Variants in FLYWCH1 observed in about 807,000 individuals in gnomAD.
The protein encoded by FLYWCH1 is FLYWCH-type zinc finger 1.
In FLYWCH1, 75 loss-of-function variants were observed where a neutral mutation model predicts 66.4. That is an observed-to-expected ratio of 1.13 (90% CI 0.94 to 1.37). The LOEUF (loss-of-function observed/expected upper bound fraction) is 1.37, where lower values mean the gene tolerates loss of function less well. FLYWCH1 is among the 40% of genes most tolerant of loss of function. The probability of loss-of-function intolerance (pLI) is 0.00; values close to 1 mark genes in which losing one functional copy is unlikely to be tolerated. For missense variants in FLYWCH1, 1,334 were observed against 1,001.8 expected (o/e 1.33, Z -4.48); for synonymous variants, 595 against 429.9 (o/e 1.38, Z -4.75).
chr16:2,917,944 C>G (rs568492643), intron 2 of FLYWCH1, among the ~76,000 whole-genome samples: 1 of 151,594 alleles, frequency 6.6e-6, no homozygotes. Context: ...TCAAGCAATT[C>G]TCCCTGCCTC....
intron 2 of FLYWCH1, among the ~76,000 whole-genome samples, chr16:2,919,052 C>A (rs186868599): frequency 1.3e-5 from 2 of 151,658 alleles, no homozygotes; most frequent in East Asian, 3.9e-4. Flanking sequence ...TCTTCTGCCT[C>A]CACCTCCCAA....
intron 6 of FLYWCH1, chr16:2,935,499 TTC>T (rs1191695543): frequency 6.6e-6 from 1 of 152,322 alleles, no homozygotes; most frequent in African/African-American, 2.4e-5. Flanking sequence ...GGGCCTGCCT[TTC>T]TCTTTCTTGG....
intron 6 of FLYWCH1, chr16:2,934,618 C>A (rs760437465): frequency 2.2e-6 from 1 of 456,724 alleles, no homozygotes; most frequent in Non-Finnish European, 4.4e-6. Context: ...CCCCAAGGCG[C>A]TGGCCTCTCT....
At position 2,930,546 on chromosome 16, in the gene FLYWCH1, C is replaced by T. The variant is rs777145780; in HGVS notation, c.462C>T (p.Gly154=). The change falls in exon 4 of 10, where the codon GGC becomes GGT. Residue 154 remains glycine, a synonymous_variant. Coordinates refer to ENST00000253928, the MANE Select transcript of FLYWCH1 (RefSeq NM_001308068.2). ...AGTGCCGCCAACATGCTGAGCTGGG[C>T]TGCCGGGGCCGGGCCATCACCCGAG... ...YWKCRQHAEL[G]CRGRAITRGL... is the part of the protein sequence containing the mutation. 41 of 1,548,992 alleles carry T rather than the reference C, an allele frequency of 2.6e-5. No homozygotes were observed. The highest frequency in any genetic ancestry group is 1.4e-5 in the Non-Finnish European group (16 of 1,151,400).
rs897654292 is a variant in FLYWCH1, at chr16:2,950,467, G to C, written c.*1740G>C. 1 of 152,396 alleles carries C rather than the reference G, an allele frequency of 6.6e-6. No individual in the cohort carries two copies. Among genetic ancestry groups the C allele is most frequent in the Non-Finnish European group, 1.5e-5 (1 of 68,172 alleles). The allele number at this position is 152,396 out of a possible 1,614,324, so 9.4% of individuals were successfully genotyped here. A position where few individuals can be genotyped will look rare whatever the true frequency, so the allele number is the denominator to read the frequency against. ...ACCTCTGATCAGGCCCCCTGCAGAA[G>C]GGGAAGCTCTCCACATGCCCAAGAT... On this transcript the variant is annotated 3_prime_UTR_variant, in exon 10 of 10. Coordinates refer to ENST00000253928, the MANE Select transcript of FLYWCH1 (RefSeq NM_001308068.2).
intron 1 of FLYWCH1, among the ~76,000 whole-genome samples, chr16:2,913,719 G>A (rs1596347697): frequency 6.6e-6 from 1 of 152,300 alleles, no homozygotes; most frequent in East Asian, 1.9e-4. Flanking sequence ...AACCTCTTCA[G>A]GAGGAATGTC....
rs778172066 is a variant in FLYWCH1, at chr16:2,938,164, A to C, written c.1778-20A>C. The C allele has an allele frequency of 1.6e-5, 26 of 1,607,840 alleles. No individual in the cohort carries two copies. Among genetic ancestry groups the C allele is most frequent in the African/African-American group, 4.0e-5 (3 of 74,790 alleles). On this transcript the variant is annotated intron_variant, in intron 7 of 9. Transcript: ENST00000253928. ...CCCAGGCCCCTGTGGCCCCACTCAC[A>C]GTGTCACTTTCCCTTTCAGATCCTC...
rs1310469540 is a variant in FLYWCH1, at chr16:2,949,484, G to A, written c.*757G>A. On this transcript the variant is annotated 3_prime_UTR_variant, in exon 10 of 10. Coordinates refer to ENST00000253928, the MANE Select transcript of FLYWCH1 (RefSeq NM_001308068.2). The stretch of plus-strand genomic sequence containing the variant: ...GCTGAGGCCAGCGGCATCCTGGGTG[G>A]CCCAGGTCCATCCTGGGCAGCAAAG... The A allele has an allele frequency of 6.6e-6, 1 of 152,182 alleles. No individual in the cohort carries two copies. Among genetic ancestry groups the A allele is most frequent in the Non-Finnish European group, 1.5e-5 (1 of 68,096 alleles). 9.4% of individuals were successfully genotyped at this position (152,182 alleles called of 1,614,324 possible).
intron 4 of FLYWCH1, among the ~76,000 whole-genome samples, chr16:2,932,174 G>A (rs924614970): frequency 2.7e-5 from 4 of 149,970 alleles, no homozygotes; most frequent in African/African-American, 9.9e-5. Flanking sequence ...CCAGTTACTC[G>A]GGAGGCTAAG....
At chr16:2,932,306 T>C (rs1053489180) in intron 4 of FLYWCH1, among the ~76,000 whole-genome samples, 1 of 116,018 alleles carries the variant, frequency 8.6e-6, no homozygotes, top group Non-Finnish European at 1.8e-5. Context: ...AGATGGCTGG[T>C]GGGAGAGTCT....
At chr16:2,944,601 T>TC (rs760858359) in intron 9 of FLYWCH1, among the ~76,000 whole-genome samples, 4 of 152,036 alleles carry the variant, frequency 2.6e-5, no homozygotes, top group Non-Finnish European at 4.4e-5. Flanking sequence ...GGCAGGCAGA[T>TC]CCCCTGAGGT....
chr16:2,948,602 G>T, intron 9 of FLYWCH1, 86 bp from the exon 10 acceptor site: 1 of 1,404,842 alleles, frequency 7.1e-7, no homozygotes, highest in Non-Finnish European at 1.0e-6. Flanking sequence ...CCAGGAAAAA[G>T]GATTCCAGGA....
In FLYWCH1 at chr16:2,933,847, C is replaced by G; in HGVS notation, c.1381C>G (p.Arg461Gly). The G allele has an allele frequency of 2.5e-6, 4 of 1,607,404 alleles. No homozygotes were observed. The highest frequency in any genetic ancestry group is 3.4e-6 in the Non-Finnish European group (4 of 1,177,344). ...TCRDQARMGCRSRAITQGRRV... is the reference protein window; with the variant it reads ...TCRDQARMGCGSRAITQGRRV... Reference sequence around the variant, plus strand: ...CCGGGACCAGGCCCGCATGGGCTGCCGCAGCCGCGCCATCACCCAGGGCCG... The same window carrying G: ...CCGGGACCAGGCCCGCATGGGCTGCGGCAGCCGCGCCATCACCCAGGGCCG... Residue 461 changes from arginine (R) to glycine (G), a missense_variant, in exon 6 of 10, where the codon CGC becomes GGC. By Grantham distance (125) the Arg-to-Gly change is moderately radical. Coordinates refer to ENST00000253928, the MANE Select transcript of FLYWCH1 (RefSeq NM_001308068.2).
intron 9 of FLYWCH1, among the ~76,000 whole-genome samples, chr16:2,943,901 C>T (rs2071372383): frequency 6.6e-6 from 1 of 151,942 alleles, no homozygotes; most frequent in Admixed American, 6.6e-5. Context: ...CACGACATTG[C>T]ACTCCAGCCT....
At position 2,937,185 on chromosome 16, in the gene FLYWCH1, C is replaced by T. The variant is rs779650710; in HGVS notation, c.1578C>T (p.Tyr526=). ...GSFLVYESFL[Y]RREKAAGEKV... is the part of the protein sequence containing the mutation. The stretch of plus-strand genomic sequence containing the variant: ...TCCTGGTGTACGAGTCCTTCCTCTA[C>T]CGGCGGGAGAAGGCGGCCGGGGAGA... Residue 526 remains tyrosine (Y), a synonymous_variant, in exon 7 of 10, where the codon TAC becomes TAT. Transcript: ENST00000253928. The T allele has an allele frequency of 3.5e-6, 5 of 1,416,388 alleles. No homozygotes were observed. Among genetic ancestry groups the T allele is most frequent in the Admixed American group, 2.3e-5 (1 of 43,658 alleles). 87.7% of individuals were successfully genotyped at this position (1,416,388 alleles called of 1,614,324 possible).
At chr16:2,921,500 C>A (rs943722547) in intron 2 of FLYWCH1, among the ~76,000 whole-genome samples, 1 of 151,892 alleles carries the variant, frequency 6.6e-6, no homozygotes, top group Non-Finnish European at 1.5e-5. Context: ...AGTTCAAAAC[C>A]AACCTGGAAA....
chr16:2,948,560 C>T, intron 9 of FLYWCH1, 128 bp from the exon 10 acceptor site: 1 of 976,866 alleles, frequency 1.0e-6, no homozygotes, highest in Non-Finnish European at 1.6e-6. Flanking sequence ...AAGATTCCGT[C>T]TCAAAAATAA....
chr16:2,916,501 G>A (rs2150883808), intron 2 of FLYWCH1, among the ~76,000 whole-genome samples: 1 of 152,102 alleles, frequency 6.6e-6, no homozygotes, highest in South Asian at 2.1e-4. Context: ...TCCAGGCCTG[G>A]TGGCAGGTGC....
chr16:2,945,064 C>G (rs1229222486), intron 9 of FLYWCH1, among the ~76,000 whole-genome samples: 1 of 150,880 alleles, frequency 6.6e-6, no homozygotes, highest in African/African-American at 2.4e-5. Context: ...AAATTCAAAT[C>G]CTTGGCCGGG....
Sources: allele counts gnomAD v4.1 joint callset (sites outside exome capture counted in the v4.1 genomes callset), GRCh38; gene constraint gnomAD v4.1.1; transcripts MANE v1.5; gene names NCBI Gene and HGNC (gene_info 2026-07-23, HGNC 2026-07-21).